CCDC181: variants seen among roughly 807,000 people sequenced by gnomAD.
CCDC181 encodes coiled-coil domain containing 181.
Under a neutral mutation model 58.7 loss-of-function variants are expected in CCDC181, and 35 were observed. The observed-to-expected ratio is 0.60, with a 90% confidence interval of 0.46 to 0.79. The LOEUF (loss-of-function observed/expected upper bound fraction) is 0.79, where lower values mean the gene tolerates loss of function less well. Ranked by LOEUF, CCDC181 falls within the 30% of genes least tolerant of loss-of-function variation. CCDC181 has a pLI of 0.00. For synonymous variants in CCDC181, 183 were observed against 197.5 expected, an observed-to-expected ratio of 0.93 and a Z score of 0.62; for missense variants, 517 against 583.9, an observed-to-expected ratio of 0.89 and a Z score of 1.18.
chr1:169,438,373 C>T (rs1035518768), intron 2 of CCDC181, among the ~76,000 whole-genome samples: 1 of 152,052 alleles, frequency 6.6e-6, no homozygotes, highest in Non-Finnish European at 1.5e-5. Flanking sequence ...TTCTCTGCAG[C>T]TTCCATAAGA....
intron 2 of CCDC181, among the ~76,000 whole-genome samples, chr1:169,434,250 C>T (rs1301672522): frequency 2.6e-5 from 4 of 151,924 alleles, no homozygotes; most frequent in Non-Finnish European, 5.9e-5. Flanking sequence ...TGAGATACCA[C>T]CCTCATTAGG....
intron 1 of CCDC181, among the ~76,000 whole-genome samples, chr1:169,426,479 G>A (rs1656717674): frequency 6.6e-6 from 1 of 152,262 alleles, no homozygotes; most frequent in South Asian, 2.1e-4. Flanking sequence ...AGTAAGAGAC[G>A]GAAATAAATT....
At position 169,403,012 on chromosome 1, in the gene CCDC181, C is replaced by A. The variant is rs569064631; in HGVS notation, c.1216-5621G>T. Among the ~76,000 whole-genome samples the A allele has an allele frequency of 3.9e-5, 4 of 102,174 alleles. 1 individual carries two copies. The East Asian group carries it at 1.9e-3, about 50-fold the overall frequency. 67.0% of individuals were successfully genotyped at this position (102,174 alleles called of 152,430 possible). A position where few individuals can be genotyped will look rare whatever the true frequency, so the allele number is the denominator to read the frequency against. Reference sequence around the variant, plus strand: ...AAAAAAAAAAGCAGGGGTTGCAATCCTAGTCTCTGAAAAAACCAGACTTTA... The same window carrying A: ...AAAAAAAAAAGCAGGGGTTGCAATCATAGTCTCTGAAAAAACCAGACTTTA... On this transcript the variant is annotated intron_variant, in intron 4 of 5. Transcript: ENST00000367806.
intron 4 of CCDC181, among the ~76,000 whole-genome samples, chr1:169,409,524 T>C (rs1462939470): frequency 1.3e-5 from 2 of 151,996 alleles, no homozygotes; most frequent in Non-Finnish European, 2.9e-5. Flanking sequence ...CATTCAAATT[T>C]AGGAAATACA....
intron 2 of CCDC181, among the ~76,000 whole-genome samples, chr1:169,447,240 G>C (rs866410615): frequency 2.6e-5 from 4 of 152,058 alleles, no homozygotes; most frequent in African/African-American, 4.8e-5. Context: ...AGCCTCCCGA[G>C]TAGCTGGAAT....
chr1:169,400,211 G>A (rs1655260756), intron 4 of CCDC181, among the ~76,000 whole-genome samples: 1 of 152,164 alleles, frequency 6.6e-6, no homozygotes, highest in Non-Finnish European at 1.5e-5. Flanking sequence ...AAAAGGCCAT[G>A]CTTTGGAAAT....
At chr1:169,395,954 T>C (rs1346154469) in intron 5 of CCDC181, 5 of 151,952 alleles carry the variant, frequency 3.3e-5, no homozygotes, top group Non-Finnish European at 5.9e-5. Context: ...CATAATCTGA[T>C]GATATGTGGT....
chr1:169,406,811 C>G (rs1052893878), intron 4 of CCDC181, among the ~76,000 whole-genome samples: 1 of 150,026 alleles, frequency 6.7e-6, no homozygotes, highest in Non-Finnish European at 1.5e-5. Flanking sequence ...AAAAAACCCA[C>G]CACAAAAAAA....
chr1:169,402,430 G>T (rs1050763909), intron 4 of CCDC181, among the ~76,000 whole-genome samples: 1 of 152,162 alleles, frequency 6.6e-6, no homozygotes, highest in Non-Finnish European at 1.5e-5. Flanking sequence ...CCCACAAAGG[G>T]AAGCCCATCA....
intron 4 of CCDC181, among the ~76,000 whole-genome samples, chr1:169,412,532 T>C (rs1656024719): frequency 6.6e-6 from 1 of 152,070 alleles, no homozygotes; most frequent in African/African-American, 2.4e-5. Flanking sequence ...TTCTTTAAAG[T>C]TCATATGGAA....
rs1656499339 is a variant in CCDC181, at chr1:169,422,058, T to C, written c.373A>G (p.Arg125Gly). Residue 125 changes from arginine to glycine, a missense_variant, in exon 3 of 6, where the codon AGA becomes GGA. Physicochemically the swap from Arg to Gly is moderately radical, Grantham distance 125. Transcript: ENST00000367806. ...TGTACAATTTTCTCCATAATATATC[T>C]CCTTACTTCCTCATCCTCTTCCTCC... ...LEEEEDEEVR[R>G]YIMEKIVQAN... is the part of the protein sequence containing the mutation. The C allele has an allele frequency of 1.2e-6, 2 of 1,613,892 alleles. No homozygotes were observed. The highest frequency in any genetic ancestry group is 3.3e-5 in the Admixed American group (2 of 59,972).
rs966986228 is a variant in CCDC181, at chr1:169,444,183, T to G, written c.-24+15614A>C. 5.3e-5 allele frequency among the ~76,000 whole-genome samples: 8 copies of G among 152,150 alleles called. No homozygotes were observed. In the East Asian group the frequency reaches 1.3e-3, roughly 26 times the overall value. On this transcript the variant is annotated intron_variant, in intron 2 of 6. Coordinates refer to the CCDC181 transcript ENST00000545005. ...CCAGCAAAAGTGCCAACACCCTTCA[T>G]TGGGAAAACTTCCTCTCTTGAACCT...
intron 2 of CCDC181, among the ~76,000 whole-genome samples, chr1:169,443,709 T>C (rs1553209269): frequency 6.6e-6 from 1 of 152,008 alleles, no homozygotes; most frequent in Non-Finnish European, 1.5e-5. Flanking sequence ...AATTAAGAAA[T>C]AAGGAAGCTA....
intron 4 of CCDC181, among the ~76,000 whole-genome samples, chr1:169,413,759 TA>T (rs1656087903): frequency 1.3e-5 from 2 of 150,742 alleles, no homozygotes; most frequent in Admixed American, 6.7e-5. Context: ...CTCAACAAAC[TA>T]ACACAGGAAT....
At chr1:169,452,183 AGAGG>A (rs1440692733) in intron 2 of CCDC181, among the ~76,000 whole-genome samples, 1 of 152,100 alleles carries the variant, frequency 6.6e-6, no homozygotes, top group Non-Finnish European at 1.5e-5. Flanking sequence ...GTCAGGAAGA[AGAGG>A]AAGAACCAGC....
intron 4 of CCDC181, 92 bp from the exon 5 acceptor site, chr1:169,397,483 A>G (rs1655115232): frequency 2.6e-6 from 3 of 1,155,252 alleles, no homozygotes; most frequent in East Asian, 2.6e-5. Context: ...TATATTTCCT[A>G]CTCTTCAATT....
At chr1:169,430,449 T>C (rs1304571119), upstream of CCDC181, among the ~76,000 whole-genome samples, 2 of 152,196 alleles carry the variant, frequency 1.3e-5, no homozygotes, top group Non-Finnish European at 2.9e-5. Flanking sequence ...CATTTGTTTG[T>C]GTCATCTATG....
At chr1:169,437,162 C>T (rs1319202020) in intron 2 of CCDC181, among the ~76,000 whole-genome samples, 1 of 152,120 alleles carries the variant, frequency 6.6e-6, no homozygotes, top group African/African-American at 2.4e-5. Flanking sequence ...TCGAAGGTGT[C>T]TCCTTGCACT....
intron 2 of CCDC181, chr1:169,443,016 A>G (rs1657278866): frequency 6.6e-6 from 1 of 151,832 alleles, no homozygotes; most frequent in Non-Finnish European, 1.5e-5. Context: ...CTATATGTGT[A>G]TTATATATCA....
Sources: gnomAD v4.1 joint callset for allele counts (sites outside exome capture counted in the v4.1 genomes callset) on GRCh38, gnomAD v4.1.1 for gene constraint, MANE v1.5 for transcripts, NCBI Gene and HGNC (gene_info 2026-07-23, HGNC 2026-07-21) for gene names.